The following TOMM6 variants were observed in gnomAD, a reference collection of about 807,000 sequenced individuals.
TOMM6 encodes mitochondrial import receptor subunit TOM6 homolog.
In TOMM6, 6 loss-of-function variants were observed where a neutral mutation model predicts 6.0. The ratio of observed to expected loss-of-function variants is 1.00; its 90% confidence interval spans 0.55 to 1.98. The LOEUF is 1.98. Among genes scored for constraint, TOMM6 ranks in the 30% most tolerant of loss-of-function variants. TOMM6 has a pLI of 0.00. For missense variants in TOMM6, 104 were observed against 95.3 expected, an observed-to-expected ratio of 1.09 and a Z score of -0.38; for synonymous variants, 44 against 36.3, an observed-to-expected ratio of 1.21 and a Z score of -0.76.
chr6:41,789,409 T>C (rs1040694477), intron 2 of TOMM6, 73 bp downstream of exon 2: 5 of 1,098,248 alleles, frequency 4.6e-6, no homozygotes, highest in Non-Finnish European at 6.8e-6. Flanking sequence ...TTCTGTCAAG[T>C]ATTCATGAAA....
At chr6:41,788,181 G>A (rs1191853570) in intron 1 of TOMM6, among the ~76,000 whole-genome samples, 2 of 134,594 alleles carry the variant, frequency 1.5e-5, no homozygotes, top group Non-Finnish European at 3.1e-5. Context: ...GTCTCACTCT[G>A]TTGCCCAGGC....
chr6:41,788,743 G>T (rs1288633035), intron 1 of TOMM6, among the ~76,000 whole-genome samples: 2 of 149,098 alleles, frequency 1.3e-5, no homozygotes, highest in East Asian at 2.0e-4. Context: ...GAGCCACCGC[G>T]CCCGGCCACA....
At chr6:41,789,399 T>C (rs772466731) in intron 2 of TOMM6, 63 bp downstream of exon 2, 87 of 1,157,426 alleles carry the variant, frequency 7.5e-5, no homozygotes, top group Admixed American at 2.6e-4. Context: ...AAGCAATGTT[T>C]TCTGTCAAGT....
intron 1 of TOMM6, 72 bp downstream of exon 1, chr6:41,787,897 C>T (rs1772706202): frequency 4.6e-6 from 7 of 1,525,500 alleles, no homozygotes; most frequent in East Asian, 2.5e-5. Flanking sequence ...GCGAGGCTGG[C>T]GCCTCAGGGT....
At chr6:41,789,160 C>A (rs1018835320) in intron 1 of TOMM6, 72 bp from the exon 2 acceptor site, 15 of 1,384,342 alleles carry the variant, frequency 1.1e-5, no homozygotes, top group Non-Finnish European at 1.5e-5. Context: ...AAGCCTTTCC[C>A]CCCAGTACAT....
chr6:41,788,908 G>C (rs950335473), intron 1 of TOMM6, among the ~76,000 whole-genome samples: 4 of 151,452 alleles, frequency 2.6e-5, no homozygotes, highest in African/African-American at 7.3e-5. Context: ...ACCACGCCCA[G>C]CTAATTTTTG....
Position 41,787,790 on chromosome 6 carries a change from C to T in TOMM6, c.93C>T (p.Val31=). 1 of 1,551,792 alleles carries T rather than the reference C, an allele frequency of 6.4e-7. No homozygotes were observed. Among genetic ancestry groups the T allele is most frequent in the Non-Finnish European group, 8.7e-7 (1 of 1,147,016 alleles). The stretch of plus-strand genomic sequence containing the variant: ...ACGTGGGAGATTGGCTTCGGGGCGT[C>T]TACCGCTTTGCCACTGATAGGAATG... ...PDNVGDWLRG[V]YRFATDRNDF... is the part of the protein sequence containing the mutation. Residue 31 remains valine (V), a synonymous_variant, in exon 1 of 3, where the codon GTC becomes GTT. Transcript: ENST00000398881.
chr6:41,787,944 G>T (rs907068315), intron 1 of TOMM6, 119 bp downstream of exon 1: 8 of 1,378,892 alleles, frequency 5.8e-6, no homozygotes, highest in Non-Finnish European at 5.8e-6. Context: ...CAGCATTGTG[G>T]CGTCTTCGTA....
At chr6:41,789,544 T>TGTC (rs1425958580) in intron 2 of TOMM6, 24 bp from the exon 3 acceptor site, 17 of 495,568 alleles carry the variant, frequency 3.4e-5, no homozygotes. Flanking sequence ...TAATGCCACC[T>TGTC]GTCGTCTTAT....
At chr6:41,788,757 A>C (rs374603247) in intron 1 of TOMM6, among the ~76,000 whole-genome samples, 36 of 104,004 alleles carry the variant, frequency 3.5e-4, no homozygotes, top group South Asian at 1.1e-3. Context: ...GGCCACATTT[A>C]TTTCTTTTTG....
At chr6:41,788,075 G>A (rs1042313037) in intron 1 of TOMM6, among the ~76,000 whole-genome samples, 5 of 152,012 alleles carry the variant, frequency 3.3e-5, no homozygotes, top group Admixed American at 2.6e-4. Flanking sequence ...GTGCTAGCAC[G>A]TAAACAGGCT....
At chr6:41,789,453 ATTCC>A in intron 2 of TOMM6, 111 bp from the exon 3 acceptor site, 2 of 772,106 alleles carry the variant, frequency 2.6e-6, no homozygotes, top group Non-Finnish European at 4.3e-6. Context: ...ACCCTTAACT[ATTCC>A]TAGTTAAATG....
rs1772749396 is a variant in TOMM6 at position 41,789,266 on chromosome 6, G to A, written c.163G>A (p.Gly55Arg). Residue 55 changes from glycine (G) to arginine (R), a missense_variant, in exon 2 of 3, where the codon GGA becomes AGA. Physicochemically the swap from Gly to Arg is moderately radical, Grantham distance 125. Coordinates refer to ENST00000398881, the MANE Select transcript of TOMM6 (RefSeq NM_001382294.1). ...LILNLGLFAA[G>R]VWLARNLSDI... is the part of the protein sequence containing the mutation. ...ACTAAATTTGGGACTCTTTGCTGCG[G>A]GAGTTTGGCTGGCCAGGAACTTGAG... is the stretch of plus-strand genomic sequence containing the variant. The A allele has an allele frequency of 6.4e-7, 1 of 1,551,320 alleles. No individual in the cohort carries two copies. The highest frequency in any genetic ancestry group is 1.2e-5 in the South Asian group (1 of 84,052).
At chr6:41,787,922 T>C in intron 1 of TOMM6, 97 bp downstream of exon 1, 1 of 1,478,176 alleles carries the variant, frequency 6.8e-7, no homozygotes, top group Non-Finnish European at 9.1e-7. Flanking sequence ...TGTTTTTGTT[T>C]TTTAACATTA....
chr6:41,789,125 C>A, intron 1 of TOMM6, 107 bp from the exon 2 acceptor site: 1 of 1,032,728 alleles, frequency 9.7e-7, no homozygotes, highest in Non-Finnish European at 1.5e-6. Flanking sequence ...AACCACGTAT[C>A]AACGCCTCGG....
chr6:41,787,898 G>A, intron 1 of TOMM6, 73 bp downstream of exon 1: 1 of 1,522,246 alleles, frequency 6.6e-7, no homozygotes, highest in Non-Finnish European at 8.8e-7. Flanking sequence ...CGAGGCTGGC[G>A]CCTCAGGGTT....
intron 1 of TOMM6, among the ~76,000 whole-genome samples, chr6:41,788,863 A>G (rs894397459): frequency 4.0e-5 from 6 of 150,442 alleles, no homozygotes; most frequent in Middle Eastern, 3.4e-3. Flanking sequence ...TTCCTGCCTC[A>G]GCCTCCCCAG....
chr6:41,788,940 T>C (rs530053430), intron 1 of TOMM6, among the ~76,000 whole-genome samples: 2 of 151,828 alleles, frequency 1.3e-5, no homozygotes, highest in African/African-American at 4.8e-5. Flanking sequence ...GAGACGGGGT[T>C]TCACCATGTT....
rs974711449 is a variant in TOMM6, at chr6:41,789,859, T to TA, written c.*306dup. 1.3e-5 allele frequency: 2 copies of TA among 152,394 alleles called. No individual in the cohort carries two copies. The highest frequency in any genetic ancestry group is 4.8e-5 in the African/African-American group (2 of 41,456). 9.4% of individuals were successfully genotyped at this position (152,394 alleles called of 1,614,324 possible). A position where few individuals can be genotyped will look rare whatever the true frequency, so the allele number is the denominator to read the frequency against. On this transcript the variant is annotated 3_prime_UTR_variant, in exon 3 of 3. Transcript: ENST00000398881. ...GTCCTGAGAAATAACAGTGCTGTTTTAAAAAACATTTGAAATAAATACCGC... is the reference window on the plus strand; with the variant it reads ...GTCCTGAGAAATAACAGTGCTGTTTTAAAAAAACATTTGAAATAAATACCGC...
Sources: allele counts gnomAD v4.1 joint callset (sites outside exome capture counted in the v4.1 genomes callset), GRCh38; gene constraint gnomAD v4.1.1; transcripts MANE v1.5; gene names NCBI Gene and HGNC (gene_info 2026-07-23, HGNC 2026-07-21).